Variants in GATAD2A observed in about 807,000 individuals in gnomAD.
GATAD2A encodes the protein transcriptional repressor p66-alpha.
GATAD2A carries 12 observed loss-of-function variants against 68.5 expected under a neutral mutation model. That is an observed-to-expected ratio of 0.18 (90% CI 0.11 to 0.28). GATAD2A has a LOEUF of 0.28. Among genes scored for constraint, GATAD2A ranks in the 10% least tolerant of loss-of-function variants. GATAD2A has a pLI of 1.00. For missense variants in GATAD2A, 755 were observed against 868.5 expected (o/e 0.87, Z 1.64); for synonymous variants, 410 against 375.3 (o/e 1.09, Z -1.07).
rs554286480 is a variant in GATAD2A at position 19,450,629 on chromosome 19, CG to C, written c.-6-14710del. On this transcript the variant is annotated intron_variant, in intron 1 of 11. Coordinates refer to ENST00000683918, the MANE Select transcript of GATAD2A (RefSeq NM_001384528.1). ...CAGGCTAGGGGGCGGTCAGGATCCCCGTACCACAAGGTGCTGGGGGGTATGT... is the reference window on the plus strand; with the variant it reads ...CAGGCTAGGGGGCGGTCAGGATCCCCTACCACAAGGTGCTGGGGGGTATGT... 6.6e-5 allele frequency among the ~76,000 whole-genome samples: 10 copies of C among 151,532 alleles called. No individual in the cohort carries two copies. The South Asian group carries it at 2.1e-3, about 32-fold the overall frequency.
chr19:19,413,539 T>TA lies in GATAD2A; in HGVS notation c.-7+7521dup, dbSNP rs372635572. 4.5e-4 allele frequency among the ~76,000 whole-genome samples: 68 copies of TA among 152,286 alleles called. 1 individual carries two copies. The highest frequency in any genetic ancestry group is 1.6e-3 in the African/African-American group (65 of 41,570). On this transcript the variant is annotated intron_variant, in intron 1 of 11. Transcript: ENST00000683918. The stretch of plus-strand genomic sequence containing the variant: ...CAGCTCCTTTCCTAGGGTTCTCTTA[T>TA]AGCCACTCTAACCCAGGGAGAGTTT...
intron 1 of GATAD2A, among the ~76,000 whole-genome samples, chr19:19,455,599 T>C (rs1244056827): frequency 6.6e-6 from 1 of 152,178 alleles, no homozygotes; most frequent in Non-Finnish European, 1.5e-5. Context: ...AGCATTTACA[T>C]TTTATGGAGT....
chr19:19,500,926 C>T (rs1470265519), intron 8 of GATAD2A, among the ~76,000 whole-genome samples, 192 bp from the exon 9 acceptor site: 1 of 152,236 alleles, frequency 6.6e-6, no homozygotes, highest in Non-Finnish European at 1.5e-5. Context: ...ATGGGTGGGA[C>T]AGGAGGCCGA....
intron 1 of GATAD2A, among the ~76,000 whole-genome samples, chr19:19,407,396 T>G (rs924386595): frequency 6.6e-6 from 1 of 152,174 alleles, no homozygotes; most frequent in Admixed American, 6.6e-5. Context: ...CACAGACATA[T>G]TCAGTGCCTA....
In GATAD2A at chr19:19,498,447, C is replaced by T; in HGVS notation, c.929C>T (p.Thr310Ile). The change falls in exon 8 of 12, where the codon ACC becomes ATC. Residue 310 changes from threonine (T) to isoleucine (I), a missense_variant. Physicochemically the swap from Thr to Ile is moderately conservative, Grantham distance 89. Coordinates refer to ENST00000683918, the MANE Select transcript of GATAD2A (RefSeq NM_001384528.1). The stretch of plus-strand genomic sequence containing the variant: ...CTGAGTTTTTGTCTCCCAAAGCCCA[C>T]CCCAGCATCACTGAAGGGGACAACA... ...TSLLVNIPQP[T>I]PASLKGTTAT... The T allele has an allele frequency of 6.2e-7, 1 of 1,600,866 alleles. No individual in the cohort carries two copies. Among genetic ancestry groups the T allele is most frequent in the African/African-American group, 1.3e-5 (1 of 74,788 alleles).
intron 1 of GATAD2A, among the ~76,000 whole-genome samples, chr19:19,419,936 G>A (rs1051703155): frequency 1.3e-5 from 2 of 151,800 alleles, no homozygotes; most frequent in South Asian, 2.1e-4. Flanking sequence ...CTGGGCCTAG[G>A]AGGTGGCTGA....
At chr19:19,424,187 G>A (rs886760605) in intron 1 of GATAD2A, among the ~76,000 whole-genome samples, 1 of 152,056 alleles carries the variant, frequency 6.6e-6, no homozygotes, top group Non-Finnish European at 1.5e-5. Context: ...GCGTCCCAAA[G>A]GGCTGGGATT....
At chr19:19,456,822 T>C (rs981399024) in intron 1 of GATAD2A, among the ~76,000 whole-genome samples, 20 of 152,262 alleles carry the variant, frequency 1.3e-4, no homozygotes, top group Non-Finnish European at 2.1e-4. Flanking sequence ...GTCTGACTCT[T>C]TGAGTGGTTG....
chr19:19,473,945 C>CA, intron 2 of GATAD2A: 8 of 687,858 alleles, frequency 1.2e-5, no homozygotes, highest in Middle Eastern at 7.3e-4. Context: ...GACTCCGTCT[C>CA]AAAAAAACAA....
chr19:19,419,886 A>G (rs1035507720), intron 1 of GATAD2A, among the ~76,000 whole-genome samples: 2 of 151,988 alleles, frequency 1.3e-5, no homozygotes, highest in African/African-American at 2.4e-5. Flanking sequence ...GACCGTCTCA[A>G]TCAGATTGTT....
At chr19:19,471,950 C>T (rs141082454) in intron 2 of GATAD2A, among the ~76,000 whole-genome samples, 1 of 152,146 alleles carries the variant, frequency 6.6e-6, no homozygotes, top group East Asian at 1.9e-4. Flanking sequence ...GGCAAGAGTG[C>T]AGTGGTGCAG....
intron 1 of GATAD2A, among the ~76,000 whole-genome samples, chr19:19,410,412 C>A (rs1353711171): frequency 6.6e-6 from 1 of 152,116 alleles, no homozygotes; most frequent in African/African-American, 2.4e-5. Flanking sequence ...AAGATAGTAG[C>A]TATGCCTGTG....
intron 1 of GATAD2A, among the ~76,000 whole-genome samples, chr19:19,438,661 G>T (rs953861372): frequency 6.6e-6 from 1 of 152,228 alleles, no homozygotes; most frequent in African/African-American, 2.4e-5. Context: ...TTGCCAGCCA[G>T]CAGGGAAGAC....
rs1377172869 is a variant in GATAD2A at position 19,502,487 on chromosome 19, A to G, written c.1735A>G (p.Ser579Gly). 6.2e-7 allele frequency: 1 copy of G among 1,613,280 alleles called. No individual in the cohort carries two copies. Among genetic ancestry groups the G allele is most frequent in the African/African-American group, 1.3e-5 (1 of 75,056 alleles). The change falls in exon 11 of 12, where the codon AGC becomes GGC. Residue 579 changes from serine (S) to glycine (G), a missense_variant. Coordinates refer to ENST00000683918, the MANE Select transcript of GATAD2A (RefSeq NM_001384528.1). ...GAGAACCGTGAGCGCCGGCAAGGGC[A>G]GCGCCACCTCCAACTGGAAGAAGAC... is the stretch of plus-strand genomic sequence containing the variant. ...SERTVSAGKGSATSNWKKTPL... is the reference protein window; with the variant it reads ...SERTVSAGKGGATSNWKKTPL...
intron 1 of GATAD2A, among the ~76,000 whole-genome samples, chr19:19,455,574 A>T (rs991651719): frequency 2.6e-5 from 4 of 152,222 alleles, no homozygotes; most frequent in Admixed American, 2.0e-4. Context: ...ACTATAGTAT[A>T]ACAGCTGTTT....
intron 1 of GATAD2A, among the ~76,000 whole-genome samples, chr19:19,433,536 T>TA (rs774288900): frequency 8.5e-5 from 13 of 152,248 alleles, no homozygotes; most frequent in African/African-American, 3.1e-4. Context: ...AGAGAATTGA[T>TA]ACCTTCTGAC....
At position 19,502,342 on chromosome 19, in the gene GATAD2A, G is replaced by C. The variant is rs2060589920; in HGVS notation, c.1590G>C (p.Gln530His). 1.2e-6 allele frequency: 2 copies of C among 1,610,574 alleles called. No homozygotes were observed. Among genetic ancestry groups the C allele is most frequent in the Non-Finnish European group, 1.7e-6 (2 of 1,178,178 alleles). Residue 530 changes from glutamine (Q) to histidine (H), a missense_variant, in exon 11 of 12, where the codon CAG becomes CAC. Physicochemically the swap from Gln to His is conservative, Grantham distance 24. Transcript: ENST00000683918. ...SNGAVLQASSQLSRGSATTPR... is the reference protein window; with the variant it reads ...SNGAVLQASSHLSRGSATTPR... ...TTTCTCCACTGCAGGCCTCCAGCCA[G>C]CTGTCCCGGGGTTCGGCCACGACGC...
At chr19:19,416,307 G>A (rs1229915171) in intron 1 of GATAD2A, among the ~76,000 whole-genome samples, 1 of 152,100 alleles carries the variant, frequency 6.6e-6, no homozygotes, top group Non-Finnish European at 1.5e-5. Flanking sequence ...GATGCTGGAT[G>A]AGACCTGGTT....
chr19:19,450,500 A>G (rs2056254948), intron 1 of GATAD2A, among the ~76,000 whole-genome samples: 5 of 151,834 alleles, frequency 3.3e-5, no homozygotes, highest in Admixed American at 2.0e-4. Context: ...CTTGAATTGG[A>G]TGTGTGCTGC....
Sources: allele counts gnomAD v4.1 joint callset (sites outside exome capture counted in the v4.1 genomes callset), GRCh38; gene constraint gnomAD v4.1.1; transcripts MANE v1.5; gene names NCBI Gene and HGNC (gene_info 2026-07-23, HGNC 2026-07-21).